ZNF221: variants seen among roughly 807,000 people sequenced by gnomAD.
The protein encoded by ZNF221 is zinc finger protein 221.
ZNF221 carries 10 observed loss-of-function variants against 12.6 expected under a neutral mutation model. The ratio of observed to expected loss-of-function variants is 0.79; its 90% CI spans 0.49 to 1.34. The LOEUF is 1.34. Ranked by LOEUF, ZNF221 falls within the 40% of genes most tolerant of loss-of-function variation. The probability of loss-of-function intolerance (pLI) is 0.00; values close to 1 mark genes in which losing one functional copy is unlikely to be tolerated. For synonymous variants in ZNF221, 232 were observed against 244.0 expected (o/e 0.95, Z 0.46); for missense variants, 661 against 721.4 (o/e 0.92, Z 0.96).
rs746633130 is a variant in ZNF221, at chr19:43,967,295, T to C, written c.1793T>C (p.Ile598Thr). Residue 598 changes from isoleucine to threonine, a missense_variant, in exon 5 of 5, where the codon ATC (isoleucine) becomes ACC (threonine). Ile to Thr is a moderately conservative substitution (Grantham distance 89). Coordinates refer to ENST00000587682, the MANE Select transcript of ZNF221 (RefSeq NM_001297588.2). Reference sequence around the variant, plus strand: ...TTGAAATCTGGAGTGTGGGAAGAGATCTACTCAGAATTCACAGCTTCATTT... The same window carrying C: ...TTGAAATCTGGAGTGTGGGAAGAGACCTACTCAGAATTCACAGCTTCATTT... ...KPLKSGVWEE[I>T]YSEFTASFTS... 1.7e-5 allele frequency: 28 copies of C among 1,613,500 alleles called. No homozygotes were observed. Among genetic ancestry groups the C allele is most frequent in the Non-Finnish European group, 1.7e-5 (20 of 1,179,910 alleles).
At chr19:43,976,257 G>T in the ZNF221 span, among the ~76,000 whole-genome samples, 1 of 151,850 alleles carries the variant, frequency 6.6e-6, no homozygotes, top group African/African-American at 2.4e-5. Flanking sequence ...TCTGGTAAAG[G>T]CCAGGTGTGG....
At chr19:43,962,878 C>A in intron 2 of ZNF221, 71 bp downstream of exon 2, 1 of 1,415,868 alleles carries the variant, frequency 7.1e-7, no homozygotes, top group Non-Finnish European at 9.7e-7. Context: ...TTTTATCTGT[C>A]TTGGGAAGAC....
chr19:43,952,163 G>A (rs189573328), intron 1 of ZNF221, among the ~76,000 whole-genome samples: 1 of 151,754 alleles, frequency 6.6e-6, no homozygotes, highest in Non-Finnish European at 1.5e-5. Context: ...GTGAGCCACC[G>A]CGCCCGGCCG....
rs540174260 is a variant in ZNF221 at position 43,961,056 on chromosome 19, G to A, written c.-2-1669G>A. 1.1e-4 allele frequency among the ~76,000 whole-genome samples: 16 copies of A among 152,288 alleles called. No individual in the cohort carries two copies. In the South Asian group the frequency reaches 3.1e-3, roughly 30 times the overall value. On this transcript the variant is annotated intron_variant, in intron 1 of 4. Coordinates refer to ENST00000587682, the MANE Select transcript of ZNF221 (RefSeq NM_001297588.2). ...ATATCACTTGGCTGCCCAAGGCCTT[G>A]GGAGTCTATCTCTTATACCAGGATG...
the ZNF221 span, among the ~76,000 whole-genome samples, chr19:43,979,418 A>AAT: frequency 3.3e-5 from 2 of 61,000 alleles, no homozygotes; most frequent in South Asian, 7.4e-4. Flanking sequence ...ATCAAACAGT[A>AAT]ATACATATAT....
At chr19:43,952,413 T>C (rs1974689328) in intron 1 of ZNF221, among the ~76,000 whole-genome samples, 1 of 152,222 alleles carries the variant, frequency 6.6e-6, no homozygotes, top group Non-Finnish European at 1.5e-5. Context: ...CGTTCACATC[T>C]ATTGTAGGAT....
At chr19:43,965,357 A>G (rs981328725) in intron 4 of ZNF221, 32 bp downstream of exon 4, 98 of 1,562,212 alleles carry the variant, frequency 6.3e-5, no homozygotes, top group Non-Finnish European at 8.1e-5. Flanking sequence ...ATCCTTGTAC[A>G]TGACTCTTCC....
the ZNF221 span, among the ~76,000 whole-genome samples, chr19:43,980,407 C>T: frequency 2.0e-5 from 3 of 152,178 alleles, no homozygotes; most frequent in Non-Finnish European, 2.9e-5. Flanking sequence ...GACGCTGGTA[C>T]GTTGCAGAGT....
At chr19:43,961,842 T>C (rs1974847766) in intron 1 of ZNF221, 1 of 152,240 alleles carries the variant, frequency 6.6e-6, no homozygotes, top group African/African-American at 2.4e-5. Context: ...TATGCATTGT[T>C]GGTGTGGATA....
intron 2 of ZNF221, among the ~76,000 whole-genome samples, chr19:43,964,730 G>A (rs1370066458): frequency 6.6e-6 from 1 of 152,128 alleles, no homozygotes; most frequent in Non-Finnish European, 1.5e-5. Flanking sequence ...TAAAAGTACA[G>A]GACTTCTTTT....
rs1975004750 is a variant in ZNF221 at position 43,967,569 on chromosome 19, C to T, written c.*213C>T. ...TCTCAGCTCACTGCAAGCTCCGCCTCCCAGGTTCACGCCATTCTCCTGCCT... is the reference window on the plus strand; with the variant it reads ...TCTCAGCTCACTGCAAGCTCCGCCTTCCAGGTTCACGCCATTCTCCTGCCT... On this transcript the variant is annotated 3_prime_UTR_variant, in exon 5 of 5. Coordinates refer to ENST00000587682, the MANE Select transcript of ZNF221 (RefSeq NM_001297588.2). 1 of 485,172 alleles carries T rather than the reference C, an allele frequency of 2.1e-6. No homozygotes were observed. The highest frequency in any genetic ancestry group is 3.6e-6 in the Non-Finnish European group (1 of 275,454). The allele number at this position is 485,172 out of a possible 1,614,324, so 30.1% of individuals were successfully genotyped here.
At chr19:43,965,186 A>C in intron 3 of ZNF221, 47 bp from the exon 4 acceptor site, 4 of 1,593,422 alleles carry the variant, frequency 2.5e-6, no homozygotes, top group Non-Finnish European at 3.4e-6. Flanking sequence ...TTCCCTAGAT[A>C]TTACCTACAA....
the ZNF221 span, among the ~76,000 whole-genome samples, chr19:43,978,222 C>T: frequency 3.3e-5 from 5 of 152,140 alleles, no homozygotes. Context: ...AGAGTTTAGG[C>T]GCAGTGACCA....
chr19:43,951,669 T>C (rs1177851619), intron 1 of ZNF221, among the ~76,000 whole-genome samples: 1 of 152,110 alleles, frequency 6.6e-6, no homozygotes, highest in Admixed American at 6.5e-5. Context: ...AATAGAATTG[T>C]CTTGGGAATT....
intron 4 of ZNF221, 58 bp downstream of exon 4, chr19:43,965,383 G>C (rs779581827): frequency 5.5e-4 from 799 of 1,450,426 alleles, no homozygotes; most frequent in Non-Finnish European, 7.2e-4. Flanking sequence ...TTTTACTTCT[G>C]TCCATGCCTA....
chr19:43,954,078 C>A (rs1382772282), intron 1 of ZNF221, among the ~76,000 whole-genome samples: 1 of 93,890 alleles, frequency 1.1e-5, no homozygotes, highest in African/African-American at 3.9e-5. Flanking sequence ...AGTGAGACTC[C>A]GTCTCAAAAA....
At chr19:43,974,915 A>G in the ZNF221 span, among the ~76,000 whole-genome samples, 1 of 152,044 alleles carries the variant, frequency 6.6e-6, no homozygotes, top group Non-Finnish European at 1.5e-5. Context: ...ATCCCCAGCT[A>G]CTTGGGAGGC....
chr19:43,969,709 T>TG (rs1240330747), downstream of ZNF221, among the ~76,000 whole-genome samples: 2 of 152,124 alleles, frequency 1.3e-5, no homozygotes, highest in Non-Finnish European at 1.5e-5. Context: ...GGTCTCCCTG[T>TG]GGGGGGTCTT....
chr19:43,963,312 A>G (rs1308680551), intron 2 of ZNF221, among the ~76,000 whole-genome samples: 8 of 152,182 alleles, frequency 5.3e-5, no homozygotes, highest in Admixed American at 5.2e-4. Flanking sequence ...GCTTTCCTAT[A>G]TATAACCCCT....
Sources: gnomAD v4.1 joint callset for allele counts (sites outside exome capture counted in the v4.1 genomes callset) on GRCh38, gnomAD v4.1.1 for gene constraint, MANE v1.5 for transcripts, NCBI Gene and HGNC (gene_info 2026-07-23, HGNC 2026-07-21) for gene names.